The following COBLL1 variants were observed in gnomAD, a reference collection of about 807,000 sequenced individuals.
The protein encoded by COBLL1 is cordon-bleu protein-like 1.
COBLL1 carries 50 observed loss-of-function variants against 94.8 expected under a neutral mutation model. That is an observed-to-expected ratio of 0.53 (90% CI 0.42 to 0.67). The LOEUF (loss-of-function observed/expected upper bound fraction) is 0.67, where lower values mean the gene tolerates loss of function less well. Ranked by LOEUF, COBLL1 falls within the 30% of genes least tolerant of loss-of-function variation. COBLL1 has a pLI of 0.00. For synonymous variants in COBLL1, 448 were observed against 473.8 expected (o/e 0.95, Z 0.71); for missense variants, 1,362 against 1,348.7 (o/e 1.01, Z -0.15).
At chr2:164,694,247 T>C in intron 12 of COBLL1, 22 bp downstream of exon 12, 1 of 1,586,564 alleles carries the variant, frequency 6.3e-7, no homozygotes, top group Non-Finnish European at 8.6e-7. Context: ...TGAATACTTA[T>C]TTTTAAAAAG....
chr2:164,747,453 G>A lies in COBLL1; in HGVS notation c.42-3578C>T, dbSNP rs567279607. 3.3e-5 allele frequency among the ~76,000 whole-genome samples: 5 copies of A among 152,288 alleles called. No homozygotes were observed. In the South Asian group the frequency reaches 1.0e-3, roughly 32 times the overall value. ...GCCAATTTCTTTTAAGATGGGGAAA[G>A]TAGGACAAAGCGCTACTTGAAAAAC... On this transcript the variant is annotated intron_variant, in intron 2 of 13. Coordinates refer to ENST00000652658, the MANE Select transcript of COBLL1 (RefSeq NM_001365672.2).
chr2:164,673,888 G>C (rs1166602978), intron 1 of COBLL1, among the ~76,000 whole-genome samples: 1 of 152,106 alleles, frequency 6.6e-6, no homozygotes, highest in Non-Finnish European at 1.5e-5. Flanking sequence ...AGAAACTTGA[G>C]AGAATTCTAC....
intron 2 of COBLL1, among the ~76,000 whole-genome samples, chr2:164,837,958 G>A (rs1046835631): frequency 1.3e-5 from 2 of 152,110 alleles, no homozygotes; most frequent in Admixed American, 6.6e-5. Context: ...GAGGTGGGAG[G>A]ATCACTTGGG....
chr2:164,804,822 A>G (rs935878128), intron 2 of COBLL1, among the ~76,000 whole-genome samples: 1 of 152,214 alleles, frequency 6.6e-6, no homozygotes, highest in African/African-American at 2.4e-5. Flanking sequence ...CTCCTAGTGC[A>G]GCTCAAATCG....
intron 13 of COBLL1, among the ~76,000 whole-genome samples, chr2:164,689,472 C>T (rs754996669): frequency 1.3e-5 from 2 of 152,056 alleles, no homozygotes; most frequent in Non-Finnish European, 2.9e-5. Flanking sequence ...ATTTTCAGTA[C>T]AGAACAGAAA....
Position 164,743,681 on chromosome 2 carries a change from GC to G in COBLL1, c.230+5del, listed in dbSNP as rs772867919. ...AGGTCCTGATATTTCATTTACTCCA[GC>G]GTACCTGCCATGAACAGTAGTAGAT... On this transcript the variant is annotated splice_donor_5th_base_variant and intron_variant, in intron 3 of 13. Coordinates refer to ENST00000652658, the MANE Select transcript of COBLL1 (RefSeq NM_001365672.2). The G allele has an allele frequency of 2.5e-6, 4 of 1,609,660 alleles. No homozygotes were observed. The South Asian group carries it at 4.4e-5, about 18-fold the overall frequency.
At chr2:164,759,835 CA>C (rs1459682106) in intron 2 of COBLL1, among the ~76,000 whole-genome samples, 1 of 152,122 alleles carries the variant, frequency 6.6e-6, no homozygotes, top group Non-Finnish European at 1.5e-5. Context: ...TAGGAAAATG[CA>C]AATTAAAGCT....
chr2:164,797,187 CCT>C (rs1436155301), intron 2 of COBLL1, among the ~76,000 whole-genome samples: 8 of 152,086 alleles, frequency 5.3e-5, no homozygotes, highest in African/African-American at 1.9e-4. Context: ...AACTCAAAGT[CCT>C]CTCATGTGCA....
intron 2 of COBLL1, among the ~76,000 whole-genome samples, chr2:164,799,923 C>A (rs1683677937): frequency 6.6e-6 from 1 of 152,050 alleles, no homozygotes; most frequent in African/African-American, 2.4e-5. Context: ...AAAGCTTATA[C>A]CTTTAACAAA....
In COBLL1 at chr2:164,680,513, C is replaced by T. The variant is rs1473302462; in HGVS notation, c.*5433G>A. 6.6e-6 allele frequency: 1 copy of T among 152,170 alleles called. No individual in the cohort carries two copies. Among genetic ancestry groups the T allele is most frequent in the African/African-American group, 2.4e-5 (1 of 41,426 alleles). 9.4% of individuals were successfully genotyped at this position (152,170 alleles called of 1,614,324 possible). Reference sequence around the variant, plus strand: ...ACCAAGGAGCACACAGGGTGAGTTACTCTTTTCCGTAATGACGCCTCTTGG... The same window carrying T: ...ACCAAGGAGCACACAGGGTGAGTTATTCTTTTCCGTAATGACGCCTCTTGG... On this transcript the variant is annotated 3_prime_UTR_variant, in exon 14 of 14. Coordinates refer to ENST00000652658, the MANE Select transcript of COBLL1 (RefSeq NM_001365672.2).
At chr2:164,722,367 A>T (rs202148709) in intron 6 of COBLL1, 56 bp from the exon 7 acceptor site, 527 of 1,512,850 alleles carry the variant, frequency 3.5e-4, no homozygotes, top group Non-Finnish European at 4.6e-4. Context: ...AGTAAAAAGC[A>T]TTAGTAATTA....
At chr2:164,733,561 C>T (rs77828014) in intron 3 of COBLL1, among the ~76,000 whole-genome samples, 2,261 of 152,148 alleles carry the variant, frequency 0.015, 52 homozygotes, top group African/African-American at 0.051. Context: ...ATTCCTATTG[C>T]CAGACAAATA....
intron 2 of COBLL1, among the ~76,000 whole-genome samples, chr2:164,815,133 C>T (rs951408089): frequency 2.0e-5 from 3 of 152,032 alleles, no homozygotes; most frequent in African/African-American, 7.2e-5. Context: ...GACACAGGGG[C>T]TCATGCCTGT....
At chr2:164,788,682 T>C (rs1683007989) in intron 2 of COBLL1, among the ~76,000 whole-genome samples, 1 of 151,860 alleles carries the variant, frequency 6.6e-6, no homozygotes, top group African/African-American at 2.4e-5. Context: ...AATACAGAAA[T>C]AAATGCATGA....
Position 164,722,482 on chromosome 2 carries a change from C to G in COBLL1, c.702G>C (p.Glu234Asp). ...QISQNLDIMK[E>D]KENKGFFSFF... ...AACTGAAAAACCCTTTATTTTCTTT[C>G]TCCTTCATAATATCTAGGTTTTGTG... Residue 234 changes from glutamate to aspartate, a missense_variant, in exon 6 of 14, where the codon GAG (glutamate) becomes GAC (aspartate). Coordinates refer to ENST00000652658, the MANE Select transcript of COBLL1 (RefSeq NM_001365672.2). 2.6e-6 allele frequency: 4 copies of G among 1,526,138 alleles called. No homozygotes were observed. The highest frequency in any genetic ancestry group is 3.5e-6 in the Non-Finnish European group (4 of 1,140,344). The allele number at this position is 1,526,138 out of a possible 1,614,324, so 94.5% of individuals were successfully genotyped here. A position where few individuals can be genotyped will look rare whatever the true frequency, so the allele number is the denominator to read the frequency against.
chr2:164,727,869 T>A, intron 5 of COBLL1, 100 bp downstream of exon 5: 1 of 710,212 alleles, frequency 1.4e-6, no homozygotes, highest in African/African-American at 1.8e-5. Flanking sequence ...ACCCATTAAC[T>A]GCCATTATGA....
At chr2:164,809,386 C>T (rs1174691671) in intron 2 of COBLL1, among the ~76,000 whole-genome samples, 1 of 151,944 alleles carries the variant, frequency 6.6e-6, no homozygotes, top group East Asian at 1.9e-4. Context: ...CAGCAAAATC[C>T]CTGTTTCTGA....
At chr2:164,708,152 T>G (rs1684702331) in intron 7 of COBLL1, among the ~76,000 whole-genome samples, 1 of 152,094 alleles carries the variant, frequency 6.6e-6, no homozygotes. Flanking sequence ...TTACCAACAG[T>G]TGAAATGTTA....
chr2:164,833,732 A>G (rs355797), intron 2 of COBLL1, among the ~76,000 whole-genome samples: 69,680 of 152,004 alleles, frequency 0.46, 17,587 homozygotes, highest in African/African-American at 0.65. Flanking sequence ...TTACAGGCGT[A>G]AGCCACCGCG....
Sources: allele counts gnomAD v4.1 joint callset (sites outside exome capture counted in the v4.1 genomes callset), GRCh38; gene constraint gnomAD v4.1.1; transcripts MANE v1.5; gene names NCBI Gene and HGNC (gene_info 2026-07-23, HGNC 2026-07-21).